DSCAM: variants seen among roughly 807,000 people sequenced by gnomAD.
DSCAM encodes cell adhesion molecule DSCAM.
A neutral mutation model predicts 217.7 loss-of-function variants in DSCAM; 47 were observed. The ratio of observed to expected loss-of-function variants is 0.22; its 90% CI spans 0.17 to 0.28. The LOEUF (loss-of-function observed/expected upper bound fraction) is 0.28. Among genes scored for constraint, DSCAM ranks in the 10% least tolerant of loss-of-function variants. The pLI is 1.00. For missense variants in DSCAM, 2,080 were observed against 2,618.3 expected, an observed-to-expected ratio of 0.79 and a Z score of 4.49; for synonymous variants, 1,056 against 1,015.3, an observed-to-expected ratio of 1.04 and a Z score of -0.76.
At chr21:40,033,239 A>G (rs2088563287) in intron 32 of DSCAM, among the ~76,000 whole-genome samples, 1 of 152,104 alleles carries the variant, frequency 6.6e-6, no homozygotes, top group Non-Finnish European at 1.5e-5. Context: ...AAGACGGGTG[A>G]TTTCGGCATT....
At chr21:40,123,828 A>C (rs139393020) in intron 20 of DSCAM, among the ~76,000 whole-genome samples, 2,277 of 151,654 alleles carry the variant, frequency 0.015, 60 homozygotes, top group African/African-American at 0.051. Flanking sequence ...GAGGGAGGGA[A>C]GGCGTGAAGT....
Position 40,051,160 on chromosome 21 carries a change from T to A in DSCAM, c.5185+798A>T, listed in dbSNP as rs75833656. ...AGAATGTAAATTTTTGCAAAGAAAT[T>A]GATTAGAGATTTGAAAGCTAGACGT... On this transcript the variant is annotated intron_variant, in intron 30 of 32. Transcript: ENST00000400454. Among the ~76,000 whole-genome samples the A allele has an allele frequency of 7.8e-4, 119 of 152,288 alleles. No homozygotes were observed. In the East Asian group the frequency reaches 0.022, roughly 28 times the overall value.
chr21:40,506,112 C>T (rs2076208657), intron 3 of DSCAM, among the ~76,000 whole-genome samples: 2 of 152,212 alleles, frequency 1.3e-5, no homozygotes, highest in African/African-American at 4.8e-5. Context: ...TACTAACGCA[C>T]TTCATGCTTG....
chr21:40,285,319 C>T (rs1273389422), intron 10 of DSCAM, among the ~76,000 whole-genome samples: 1 of 152,150 alleles, frequency 6.6e-6, no homozygotes, highest in Non-Finnish European at 1.5e-5. Context: ...ACTGCCTACA[C>T]CTAGAAGAAG....
chr21:40,819,780 C>T (rs2091911233), intron 1 of DSCAM, among the ~76,000 whole-genome samples: 1 of 152,198 alleles, frequency 6.6e-6, no homozygotes, highest in Non-Finnish European at 1.5e-5. Context: ...AGCTCCATTC[C>T]ACTCATATTG....
At chr21:40,182,653 CCAGAGAAACCGTGGACAGGGGGGGGT>C (rs2090829782) in intron 14 of DSCAM, among the ~76,000 whole-genome samples, 11 of 114,684 alleles carry the variant, frequency 9.6e-5, no homozygotes, top group African/African-American at 2.9e-4. Flanking sequence ...GAGGGGGTTA[CCAGAGAAACCGTGGACAGGGGGGGGT>C]TACCAGAGAA....
rs953321856 is a variant in DSCAM, at chr21:40,217,277, C to A, written c.2357-28039G>T. 4.6e-5 allele frequency among the ~76,000 whole-genome samples: 7 copies of A among 152,258 alleles called. No individual in the cohort carries two copies. In the South Asian group the frequency reaches 6.2e-4, roughly 14 times the overall value. Reference sequence around the variant, plus strand: ...AGTATAAAAAAGCATAGAAAGATATCATTCATAATTGTAATACTGAGAGAA... The same window carrying A: ...AGTATAAAAAAGCATAGAAAGATATAATTCATAATTGTAATACTGAGAGAA... On this transcript the variant is annotated intron_variant, in intron 11 of 32. Transcript: ENST00000400454.
chr21:40,778,161 A>C (rs557478928), intron 1 of DSCAM, among the ~76,000 whole-genome samples: 1 of 152,308 alleles, frequency 6.6e-6, no homozygotes, highest in Admixed American at 6.5e-5. Context: ...CTTCAAGAAA[A>C]AGGAACACGA....
chr21:40,679,975 TG>T (rs1336326555), intron 3 of DSCAM, among the ~76,000 whole-genome samples: 2 of 152,162 alleles, frequency 1.3e-5, no homozygotes, highest in Non-Finnish European at 2.9e-5. Context: ...TTCTGGTTTC[TG>T]GGATACAAAC....
At chr21:40,272,896 A>G (rs1020206378) in intron 11 of DSCAM, among the ~76,000 whole-genome samples, 5 of 151,998 alleles carry the variant, frequency 3.3e-5, no homozygotes, top group Admixed American at 6.6e-5. Flanking sequence ...ATCCTAAAAC[A>G]CTTTACTGAT....
At chr21:40,194,445 C>A (rs2837484) in intron 11 of DSCAM, among the ~76,000 whole-genome samples, 14,269 of 152,116 alleles carry the variant, frequency 0.094, 872 homozygotes, top group South Asian at 0.14. Flanking sequence ...TGAAGCATAA[C>A]AAATGGATGG....
At chr21:40,484,371 A>G (rs2076007650) in intron 3 of DSCAM, among the ~76,000 whole-genome samples, 1 of 152,160 alleles carries the variant, frequency 6.6e-6, no homozygotes, top group South Asian at 2.1e-4. Context: ...CTGATAGAAA[A>G]CATAAAGCAA....
chr21:40,649,277 T>C (rs997561073), intron 3 of DSCAM, among the ~76,000 whole-genome samples: 15 of 152,072 alleles, frequency 9.9e-5, no homozygotes, highest in Admixed American at 1.3e-4. Flanking sequence ...CCCTGTTGGG[T>C]TGTCCCTGCC....
chr21:40,029,857 G>A (rs912274088), intron 32 of DSCAM, among the ~76,000 whole-genome samples: 2 of 152,190 alleles, frequency 1.3e-5, no homozygotes, highest in African/African-American at 4.8e-5. Flanking sequence ...GGCTCAGGCA[G>A]CTGGGGTGCC....
intron 3 of DSCAM, among the ~76,000 whole-genome samples, chr21:40,485,786 T>G (rs1279119809): frequency 3.3e-5 from 5 of 152,104 alleles, no homozygotes; most frequent in African/African-American, 7.2e-5. Flanking sequence ...AAATGTATAT[T>G]TTATATTGTA....
intron 8 of DSCAM, among the ~76,000 whole-genome samples, chr21:40,323,781 A>C (rs1367575100): frequency 6.6e-6 from 1 of 152,182 alleles, no homozygotes; most frequent in Non-Finnish European, 1.5e-5. Flanking sequence ...CTAGACTGTG[A>C]AAAGAGGTAA....
chr21:40,504,101 A>G (rs2076191573), intron 3 of DSCAM, among the ~76,000 whole-genome samples: 1 of 152,184 alleles, frequency 6.6e-6, no homozygotes, highest in Non-Finnish European at 1.5e-5. Context: ...TCACTGTTCT[A>G]TCTGGCCAGC....
chr21:40,654,963 C>T (rs780214173), intron 3 of DSCAM, among the ~76,000 whole-genome samples: 2 of 152,172 alleles, frequency 1.3e-5, no homozygotes, highest in Non-Finnish European at 1.5e-5. Flanking sequence ...AAGGATACCC[C>T]CTCAGCTGTG....
intron 6 of DSCAM, among the ~76,000 whole-genome samples, chr21:40,342,598 T>C (rs2074505083): frequency 7.0e-6 from 1 of 142,410 alleles, no homozygotes; most frequent in Non-Finnish European, 1.5e-5. Flanking sequence ...AAGGTACATA[T>C]AGTATGTGTA....
Sources: gnomAD v4.1 joint callset for allele counts (sites outside exome capture counted in the v4.1 genomes callset) on GRCh38, gnomAD v4.1.1 for gene constraint, MANE v1.5 for transcripts, NCBI Gene and HGNC (gene_info 2026-07-23, HGNC 2026-07-21) for gene names.